Variants in ACSL5 observed in about 807,000 individuals in gnomAD.
ACSL5 encodes acyl-CoA synthetase long chain family member 5, also known as long-chain-fatty-acid--CoA ligase 5.
A neutral mutation model predicts 84.9 loss-of-function variants in ACSL5; 50 were observed. The observed-to-expected ratio is 0.59, with a 90% CI of 0.47 to 0.75. The LOEUF (loss-of-function observed/expected upper bound fraction) is 0.75, where lower values mean the gene tolerates loss of function less well. Among genes scored for constraint, ACSL5 ranks in the 30% least tolerant of loss-of-function variants. The probability of loss-of-function intolerance (pLI) is 0.00; values close to 1 mark genes in which losing one functional copy is unlikely to be tolerated. For synonymous variants in ACSL5, 280 were observed against 300.7 expected (o/e 0.93, Z 0.71); for missense variants, 775 against 830.4 (o/e 0.93, Z 0.82).
chr10:112,376,315 C>T (rs145395373), intron 1 of ACSL5: 273 of 1,614,116 alleles, frequency 1.7e-4, no homozygotes, highest in Admixed American at 9.0e-4. Flanking sequence ...CCTGCATGGA[C>T]GCTCTGAAGC....
intron 1 of ACSL5, among the ~76,000 whole-genome samples, chr10:112,383,963 G>A (rs931472141): frequency 1.3e-5 from 2 of 152,014 alleles, no homozygotes; most frequent in African/African-American, 4.8e-5. Flanking sequence ...GAGGCTTGAG[G>A]CAGGTGGATC....
intron 20 of ACSL5, 46 bp from the exon 21 acceptor site, chr10:112,427,172 G>T (rs1307081096): frequency 1.3e-6 from 2 of 1,572,542 alleles, no homozygotes; most frequent in Non-Finnish European, 1.7e-6. Context: ...CTGCAGAGAA[G>T]TCCAAATCAC....
At chr10:112,409,201 T>C (rs1844119580) in intron 6 of ACSL5, 1 of 283,422 alleles carries the variant, frequency 3.5e-6, no homozygotes, top group Non-Finnish European at 6.6e-6. Context: ...AAAACAGTGA[T>C]AGAACCACAC....
chr10:112,410,121 A>G (rs1844144191), intron 7 of ACSL5: 1 of 808,288 alleles, frequency 1.2e-6, no homozygotes, highest in African/African-American at 1.9e-5. Context: ...TAGATTTCTC[A>G]GGACAGTGAT....
intron 7 of ACSL5, 117 bp from the exon 8 acceptor site, chr10:112,410,346 A>G (rs1844148855): frequency 2.6e-6 from 4 of 1,564,562 alleles, no homozygotes; most frequent in Non-Finnish European, 3.5e-6. Flanking sequence ...CCAGGTTGGA[A>G]TTTTGCTTAT....
chr10:112,395,823 T>A (rs566676049), intron 2 of ACSL5: 3 of 152,356 alleles, frequency 2.0e-5, no homozygotes, highest in African/African-American at 7.2e-5. Context: ...CAAGGCTAAT[T>A]TCTTCTGTTG....
Position 112,425,498 on chromosome 10 carries a change from A to G in ACSL5, c.1737+17A>G. The G allele has an allele frequency of 3.8e-6, 6 of 1,582,230 alleles. No homozygotes were observed. The highest frequency in any genetic ancestry group is 5.2e-6 in the Non-Finnish European group (6 of 1,164,170). On this transcript the variant is annotated intron_variant, in intron 18 of 20. Transcript: ENST00000354655. The stretch of plus-strand genomic sequence containing the variant: ...AGCTTACGGGTAATATATCATTTTA[A>G]CAATAGCCCATTTCAGTCACAAACC...
At position 112,399,005 on chromosome 10, in the gene ACSL5, G is replaced by T. The variant is rs1409184086; in HGVS notation, c.261G>T (p.Val87=). 6.2e-7 allele frequency: 1 copy of T among 1,613,074 alleles called. No homozygotes were observed. Residue 87 remains valine, a synonymous_variant, in exon 3 of 21, where the codon GTG becomes GTT. Transcript: ENST00000354655. ...AGGTTTTCCAAAGAGGACTCGCTGT[G>T]TCTGGTAAGCCTGGTGGTCTGTCCT... ...MYEVFQRGLA[V]SDNGPCLGYR... is the part of the protein sequence containing the mutation.
At chr10:112,421,412 C>T (rs932752982) in intron 14 of ACSL5, among the ~76,000 whole-genome samples, 181 bp from the exon 15 acceptor site, 4 of 151,486 alleles carry the variant, frequency 2.6e-5, no homozygotes, top group Non-Finnish European at 5.9e-5. Context: ...CCTCCCGCCT[C>T]GGCCTCCCAA....
intron 16 of ACSL5, 92 bp downstream of exon 16, chr10:112,422,127 C>T: frequency 3.5e-6 from 5 of 1,418,950 alleles, no homozygotes; most frequent in Non-Finnish European, 4.0e-6. Flanking sequence ...GGATTTGGCC[C>T]CTTTGAGATT....
At position 112,426,327 on chromosome 10, in the gene ACSL5, A is replaced by G. The variant is rs533873263; in HGVS notation, c.1807A>G (p.Lys603Glu). The G allele has an allele frequency of 2.5e-6, 4 of 1,614,080 alleles. No homozygotes were observed. In the Admixed American group the frequency reaches 6.7e-5, roughly 27 times the overall value. The part of the protein sequence containing the change: ...LPSFAAKLGV[K>E]GSFEELCQNQ... ...CTCATTTGCAGCCAAGCTTGGGGTG[A>G]AGGGCTCCTTTGAGGAACTGTGCCA... Residue 603 changes from lysine (K) to glutamate (E), a missense_variant, in exon 19 of 21, where the codon AAG becomes GAG. By Grantham distance (56) the Lys-to-Glu change is moderately conservative. Transcript: ENST00000354655.
In ACSL5 at chr10:112,425,387, C is replaced by T; in HGVS notation, c.1643C>T (p.Ala548Val). ...CGTAAAAAGAACATTTTCAAGCTGG[C>T]CCAAGGAGAATACATTGCACCAGAG... ...IDRKKNIFKL[A>V]QGEYIAPEKI... The change falls in exon 18 of 21, where the codon GCC becomes GTC. Residue 548 changes from alanine to valine, a missense_variant. Physicochemically the swap from Ala to Val is moderately conservative, Grantham distance 64. Transcript: ENST00000354655. The T allele has an allele frequency of 6.2e-7, 1 of 1,612,916 alleles. No individual in the cohort carries two copies. The highest frequency in any genetic ancestry group is 1.3e-5 in the African/African-American group (1 of 74,916).
rs1022019005 is a variant in ACSL5, at chr10:112,404,514, A to G, written c.269A>G (p.Asn90Ser). ...TCTTTTAATATTATGTTTTTAGACAATGGGCCCTGCTTGGGATATAGAAAA... is the reference window on the plus strand; with the variant it reads ...TCTTTTAATATTATGTTTTTAGACAGTGGGCCCTGCTTGGGATATAGAAAA... ...VFQRGLAVSD[N>S]GPCLGYRKPN... The change falls in exon 4 of 21, where the codon AAT (asparagine) becomes AGT (serine). Residue 90 changes from asparagine to serine, a missense_variant. Coordinates refer to ENST00000354655, the MANE Select transcript of ACSL5 (RefSeq NM_203379.2). The G allele has an allele frequency of 1.9e-6, 3 of 1,612,762 alleles. No homozygotes were observed. Among genetic ancestry groups the G allele is most frequent in the Non-Finnish European group, 2.5e-6 (3 of 1,178,842 alleles).
At chr10:112,414,173 C>T (rs971138114) in intron 12 of ACSL5, among the ~76,000 whole-genome samples, 2 of 152,064 alleles carry the variant, frequency 1.3e-5, no homozygotes, top group Admixed American at 6.5e-5. Context: ...CTGTCTTCCT[C>T]TTGCATTCAT....
intron 3 of ACSL5, among the ~76,000 whole-genome samples, chr10:112,400,083 G>A (rs769832754): frequency 2.0e-5 from 3 of 152,124 alleles, no homozygotes; most frequent in Non-Finnish European, 4.4e-5. Flanking sequence ...TAGTATATCT[G>A]GCTCCAAATC....
Position 112,427,281 on chromosome 10 carries a change from T to A in ACSL5, c.1975T>A (p.Leu659Met). Residue 659 changes from leucine (L) to methionine (M), a missense_variant, in exon 21 of 21, where the codon TTG becomes ATG. By Grantham distance (15) the Leu-to-Met change is conservative. Coordinates refer to ENST00000354655, the MANE Select transcript of ACSL5 (RefSeq NM_203379.2). ...SIENGLLTPT[L>M]KAKRGELSKY... The stretch of plus-strand genomic sequence containing the variant: ...TGAAAATGGGCTCTTGACACCAACA[T>A]TGAAAGCAAAGCGAGGAGAGCTTTC... The A allele has an allele frequency of 1.9e-6, 3 of 1,613,904 alleles. No homozygotes were observed. The South Asian group carries it at 3.3e-5, about 18-fold the overall frequency.
At chr10:112,376,290 T>C in intron 1 of ACSL5, 1 of 1,614,010 alleles carries the variant, frequency 6.2e-7, no homozygotes, top group Non-Finnish European at 8.5e-7. Context: ...GGGGACACTC[T>C]GGGCCGGCCT....
chr10:112,395,154 G>T, intron 2 of ACSL5, 52 bp downstream of exon 2: 1 of 1,557,922 alleles, frequency 6.4e-7, no homozygotes, highest in African/African-American at 1.4e-5. Context: ...AACTCAAACT[G>T]TAACTCCAAA....
At chr10:112,411,877 C>G in intron 10 of ACSL5, 25 bp from the exon 11 acceptor site, 1 of 1,599,506 alleles carries the variant, frequency 6.3e-7, no homozygotes, top group Non-Finnish European at 8.6e-7. Context: ...CATGTTGCCT[C>G]CTCTTACTTC....
Sources: gnomAD v4.1 joint callset for allele counts (sites outside exome capture counted in the v4.1 genomes callset) on GRCh38, gnomAD v4.1.1 for gene constraint, MANE v1.5 for transcripts, NCBI Gene and HGNC (gene_info 2026-07-23, HGNC 2026-07-21) for gene names.